Variants in TIMM17A observed in about 807,000 individuals in gnomAD.
TIMM17A encodes mitochondrial import inner membrane translocase subunit Tim17-A.
In TIMM17A, 15 loss-of-function variants were observed where a neutral mutation model predicts 26.5. That is an observed-to-expected ratio of 0.57 (90% CI 0.38 to 0.87). The LOEUF is 0.87. Among genes scored for constraint, TIMM17A ranks in the 40% least tolerant of loss-of-function variants. The pLI is 0.00. For missense variants in TIMM17A, 201 were observed against 210.0 expected (o/e 0.96, Z 0.27); for synonymous variants, 80 against 70.8 (o/e 1.13, Z -0.66).
rs371135645 is a variant in TIMM17A, at chr1:201,965,509, G to A, written c.396G>A (p.Leu132=). The change falls in exon 5 of 6, where the codon TTG becomes TTA. Residue 132 remains leucine, a synonymous_variant. Transcript: ENST00000367287. ...CTTTAATTGAAGGAGCTGGTATCTTGTTGACAAGATTTGCCTCTGCACAGT... is the reference window on the plus strand; with the variant it reads ...CTTTAATTGAAGGAGCTGGTATCTTATTGACAAGATTTGCCTCTGCACAGT... ...LLALIEGAGI[L]LTRFASAQFP... is the part of the protein sequence containing the mutation. 3 of 1,614,022 alleles carry A rather than the reference G, an allele frequency of 1.9e-6. No individual in the cohort carries two copies. In the African/African-American group the frequency reaches 4.0e-5, roughly 22 times the overall value.
At chr1:201,959,128 C>T (rs1010010689) in intron 3 of TIMM17A, among the ~76,000 whole-genome samples, 4 of 152,176 alleles carry the variant, frequency 2.6e-5, no homozygotes, top group Admixed American at 2.0e-4. Context: ...TATCACCTTA[C>T]GCATTTTCAG....
intron 3 of TIMM17A, among the ~76,000 whole-genome samples, chr1:201,960,106 T>C (rs1682496203): frequency 6.7e-6 from 1 of 150,346 alleles, no homozygotes; most frequent in African/African-American, 2.4e-5. Flanking sequence ...CTTCAGTTAA[T>C]AGTAATGTGT....
chr1:201,961,952 C>T (rs1682541457), intron 3 of TIMM17A, among the ~76,000 whole-genome samples: 1 of 151,974 alleles, frequency 6.6e-6, no homozygotes, highest in African/African-American at 2.4e-5. Context: ...CTTGCTTAGG[C>T]TCTAAAACCT....
At chr1:201,956,066 C>T (rs1189101767) in intron 1 of TIMM17A, among the ~76,000 whole-genome samples, 1 of 152,118 alleles carries the variant, frequency 6.6e-6, no homozygotes, top group African/African-American at 2.4e-5. Context: ...GCCAAGGGGT[C>T]TGGATAAGCT....
intron 5 of TIMM17A, among the ~76,000 whole-genome samples, chr1:201,966,848 T>A (rs572490943): frequency 1.2e-3 from 174 of 142,926 alleles, no homozygotes; most frequent in East Asian, 6.9e-3. Flanking sequence ...TCTCAAAAAA[T>A]ATATATATAT....
chr1:201,969,617 C>A lies in TIMM17A; in HGVS notation c.*63C>A. On this transcript the variant is annotated 3_prime_UTR_variant, in exon 6 of 6. Coordinates refer to ENST00000367287, the MANE Select transcript of TIMM17A (RefSeq NM_006335.3). ...TGGTTCGAGAAGGATTTCAGAAGAT[C>A]AAGTTACAGTCTGTTTTTAAAACCA... The A allele has an allele frequency of 7.2e-7, 1 of 1,392,774 alleles. No homozygotes were observed. The highest frequency in any genetic ancestry group is 1.2e-5 in the South Asian group (1 of 85,572). The allele number at this position is 1,392,774 out of a possible 1,614,324, so 86.3% of individuals were successfully genotyped here. A position where few individuals can be genotyped will look rare whatever the true frequency, so the allele number is the denominator to read the frequency against.
Position 201,969,471 on chromosome 1 carries a change from C to A in TIMM17A, c.433C>A (p.Pro145Thr). 1 of 1,612,548 alleles carries A rather than the reference C, an allele frequency of 6.2e-7. No individual in the cohort carries two copies. The highest frequency in any genetic ancestry group is 1.1e-5 in the South Asian group (1 of 90,916). The part of the protein sequence containing the change: ...RFASAQFPNG[P>T]QFAEDPSQLP... ...TCCTTTTTATTTCTCACTTGCAGGTCCTCAGTTTGCAGAAGACCCCTCCCA... is the reference window on the plus strand; with the variant it reads ...TCCTTTTTATTTCTCACTTGCAGGTACTCAGTTTGCAGAAGACCCCTCCCA... Residue 145 changes from proline to threonine, a missense_variant and splice_region_variant, in exon 6 of 6, where the codon CCT becomes ACT. Pro to Thr is a conservative substitution (Grantham distance 38, BLOSUM62 -1). Coordinates refer to ENST00000367287, the MANE Select transcript of TIMM17A (RefSeq NM_006335.3).
At chr1:201,965,346 A>C in intron 4 of TIMM17A, 87 bp from the exon 5 acceptor site, 1 of 910,250 alleles carries the variant, frequency 1.1e-6, no homozygotes, top group Non-Finnish European at 1.8e-6. Flanking sequence ...GGAGCATGTC[A>C]CCATATGGAC....
At chr1:201,963,973 G>C (rs1283808392) in intron 4 of TIMM17A, among the ~76,000 whole-genome samples, 1 of 151,968 alleles carries the variant, frequency 6.6e-6, no homozygotes, top group Non-Finnish European at 1.5e-5. Context: ...AATTTAATTA[G>C]CTGGGTGTGT....
Position 201,969,460 on chromosome 1 carries a change from C to T in TIMM17A, c.431-9C>T, listed in dbSNP as rs770227303. The T allele has an allele frequency of 6.2e-7, 1 of 1,607,512 alleles. No individual in the cohort carries two copies. Among genetic ancestry groups the T allele is most frequent in the Admixed American group, 1.7e-5 (1 of 59,674 alleles). The stretch of plus-strand genomic sequence containing the variant: ...TGATTTTTAAATCCTTTTTATTTCT[C>T]ACTTGCAGGTCCTCAGTTTGCAGAA... On this transcript the variant is annotated splice_polypyrimidine_tract_variant and intron_variant, in intron 5 of 5. Transcript: ENST00000367287.
intron 3 of TIMM17A, among the ~76,000 whole-genome samples, chr1:201,961,892 G>A (rs982687480): frequency 1.3e-5 from 2 of 151,652 alleles, no homozygotes; most frequent in Non-Finnish European, 1.5e-5. Flanking sequence ...CCCTTTGTCA[G>A]AGTATACTCT....
chr1:201,968,249 C>T (rs1013239341), intron 5 of TIMM17A, among the ~76,000 whole-genome samples: 2 of 151,950 alleles, frequency 1.3e-5, no homozygotes, highest in Non-Finnish European at 2.9e-5. Flanking sequence ...GATCCGCCCG[C>T]CTTGACCTCC....
At chr1:201,958,500 C>T (rs10800801) in intron 3 of TIMM17A, among the ~76,000 whole-genome samples, 32,739 of 152,200 alleles carry the variant, frequency 0.22, 3,638 homozygotes, top group East Asian at 0.25. Flanking sequence ...CTCAGGAGTT[C>T]GAGACCAGCC....
intron 3 of TIMM17A, among the ~76,000 whole-genome samples, chr1:201,958,374 G>T (rs1045405726): frequency 6.6e-6 from 1 of 152,166 alleles, no homozygotes; most frequent in Non-Finnish European, 1.5e-5. Context: ...AAAGGGAGGT[G>T]ACAAAAAATG....
At chr1:201,969,368 A>AT (rs1053232657) in intron 5 of TIMM17A, 101 bp from the exon 6 acceptor site, 9 of 939,902 alleles carry the variant, frequency 9.6e-6, no homozygotes, top group Admixed American at 7.1e-5. Flanking sequence ...AATTTAGCAC[A>AT]TTTTTTTGTT....
At chr1:201,960,671 G>T (rs1174567936) in intron 3 of TIMM17A, among the ~76,000 whole-genome samples, 2 of 152,136 alleles carry the variant, frequency 1.3e-5, no homozygotes, top group Non-Finnish European at 2.9e-5. Flanking sequence ...TTAATTTGGT[G>T]AGCATTTGCT....
chr1:201,968,925 G>GCT (rs909443600), intron 5 of TIMM17A, among the ~76,000 whole-genome samples: 4 of 150,510 alleles, frequency 2.7e-5, no homozygotes, highest in African/African-American at 9.8e-5. Context: ...TAGTTCACAG[G>GCT]CTCTCCTATC....
intron 3 of TIMM17A, chr1:201,962,250 T>C (rs760565933): frequency 6.6e-6 from 1 of 152,172 alleles, no homozygotes; most frequent in Non-Finnish European, 1.5e-5. Context: ...TTAGAAGAAA[T>C]AACTGGTTTG....
intron 1 of TIMM17A, 44 bp downstream of exon 1, chr1:201,955,596 C>T (rs766054323): frequency 4.3e-6 from 7 of 1,613,848 alleles, no homozygotes; most frequent in South Asian, 1.1e-5. Context: ...CCCCCCTGCC[C>T]ACTGCCCTCC....
Sources: gnomAD v4.1 joint callset for allele counts (sites outside exome capture counted in the v4.1 genomes callset) on GRCh38, gnomAD v4.1.1 for gene constraint, MANE v1.5 for transcripts, NCBI Gene and HGNC (gene_info 2026-07-23, HGNC 2026-07-21) for gene names.